SLC25A48: variants seen among roughly 807,000 people sequenced by gnomAD.
SLC25A48 encodes solute carrier family 25 member 48, also known as CTC-321K16.1.
SLC25A48 carries 29 observed loss-of-function variants against 32.2 expected under a neutral mutation model. That is an observed-to-expected ratio of 0.90 (90% confidence interval 0.67 to 1.23). The LOEUF (loss-of-function observed/expected upper bound fraction) is 1.23. Among genes scored for constraint, SLC25A48 ranks in the 50% most tolerant of loss-of-function variants. The probability of loss-of-function intolerance (pLI) is 0.00; values close to 1 mark genes in which losing one functional copy is unlikely to be tolerated. For missense variants in SLC25A48, 399 were observed against 422.7 expected (o/e 0.94, Z 0.49); for synonymous variants, 164 against 172.3 (o/e 0.95, Z 0.38).
At chr5:135,768,663 G>C (rs1189704168) in intron 3 of SLC25A48, among the ~76,000 whole-genome samples, 1 of 151,650 alleles carries the variant, frequency 6.6e-6, no homozygotes, top group Non-Finnish European at 1.5e-5. Context: ...TATCCAGGGG[G>C]AAATAGGATG....
intron 3 of SLC25A48, among the ~76,000 whole-genome samples, chr5:135,709,782 G>A (rs1754609750): frequency 6.6e-6 from 1 of 152,130 alleles, no homozygotes; most frequent in South Asian, 2.1e-4. Context: ...ATAAGATAAT[G>A]CCTTATGAGT....
chr5:135,834,968 C>T, intron 1 of SLC25A48, 75 bp downstream of exon 1: 1 of 1,518,864 alleles, frequency 6.6e-7, no homozygotes, highest in African/African-American at 1.4e-5. Context: ...TCTGAGGAAA[C>T]TTTGCCTCTG....
chr5:135,746,120 C>T (rs1207466087), intron 3 of SLC25A48: 1 of 152,768 alleles, frequency 6.5e-6, no homozygotes, highest in Non-Finnish European at 1.5e-5. Context: ...CTCTAGGCCC[C>T]ACTCCTCTCC....
At chr5:135,754,091 G>A (rs1282639967) in intron 3 of SLC25A48, among the ~76,000 whole-genome samples, 1 of 151,304 alleles carries the variant, frequency 6.6e-6, no homozygotes, top group Non-Finnish European at 1.5e-5. Flanking sequence ...CTGTGACAGT[G>A]GCAGTCATGT....
chr5:135,616,684 T>C (rs1580726267), intron 1 of SLC25A48, among the ~76,000 whole-genome samples: 1 of 152,222 alleles, frequency 6.6e-6, no homozygotes, highest in East Asian at 1.9e-4. Context: ...TTTGAATTAA[T>C]GCTGAAATGA....
chr5:135,712,208 G>A (rs1409140163), intron 3 of SLC25A48, among the ~76,000 whole-genome samples: 1 of 152,150 alleles, frequency 6.6e-6, no homozygotes, highest in Non-Finnish European at 1.5e-5. Context: ...ACTGCCAGAC[G>A]AGGTACATTC....
At chr5:135,852,397 C>T (rs56880651) in intron 3 of SLC25A48, among the ~76,000 whole-genome samples, 166 bp from the exon 4 acceptor site, 201 of 152,336 alleles carry the variant, frequency 1.3e-3, no homozygotes, top group African/African-American at 4.5e-3. Flanking sequence ...AGAATGCCTG[C>T]CCCTGAGTGG....
intron 6 of SLC25A48, 25 bp downstream of exon 6, chr5:135,874,179 G>A (rs1399214763): frequency 1.4e-5 from 20 of 1,417,732 alleles, no homozygotes; most frequent in Non-Finnish European, 1.8e-5. Context: ...GGCCTGCGGG[G>A]TCAGTGTCAG....
intron 3 of SLC25A48, among the ~76,000 whole-genome samples, chr5:135,712,919 A>G (rs1420625834): frequency 6.6e-6 from 1 of 152,218 alleles, no homozygotes; most frequent in Non-Finnish European, 1.5e-5. Flanking sequence ...GCCACCATTC[A>G]GGGAGGCTCT....
intron 3 of SLC25A48, among the ~76,000 whole-genome samples, chr5:135,771,067 G>A (rs567041105): frequency 7.9e-5 from 12 of 151,288 alleles, no homozygotes; most frequent in African/African-American, 2.9e-4. Flanking sequence ...TTTAGGGAGG[G>A]GAGAGAATGA....
intron 1 of SLC25A48, among the ~76,000 whole-genome samples, chr5:135,611,553 G>GA (rs1214444746): frequency 9.9e-5 from 7 of 70,888 alleles, no homozygotes; most frequent in African/African-American, 1.9e-4. Flanking sequence ...AGAAAAAAAA[G>GA]AAAAAAAAAT....
Position 135,888,191 on chromosome 5 carries a change from G to A in SLC25A48, c.*167G>A. 9.3e-7 allele frequency: 1 copy of A among 1,075,444 alleles called. No homozygotes were observed. 66.6% of individuals were successfully genotyped at this position (1,075,444 alleles called of 1,614,324 possible). A position where few individuals can be genotyped will look rare whatever the true frequency, so the allele number is the denominator to read the frequency against. On this transcript the variant is annotated 3_prime_UTR_variant, in exon 8 of 8. Transcript: ENST00000681962. The stretch of plus-strand genomic sequence containing the variant: ...ACTGACGTGGCCCTTCTGATGCCTG[G>A]GATGCCTCATGAGTCACTGATTCAA...
chr5:135,834,855 G>T lies in SLC25A48; in HGVS notation c.8G>T (p.Ser3Ile), dbSNP rs1417417028. The change falls in exon 1 of 8, where the codon AGC (serine) becomes ATC (isoleucine). Residue 3 changes from serine to isoleucine, a missense_variant. Transcript: ENST00000681962. ...CGAGACCGAGCGCCGGCCATGGGAA[G>T]CTTCCAGCTGGAAGACTTTGCGGCG... Reference protein sequence around the residue: MGSFQLEDFAAGW... With the variant: MGIFQLEDFAAGW... 1.9e-6 allele frequency: 3 copies of T among 1,601,708 alleles called. No individual in the cohort carries two copies. The highest frequency in any genetic ancestry group is 2.6e-6 in the Non-Finnish European group (3 of 1,174,858).
intron 1 of SLC25A48, among the ~76,000 whole-genome samples, chr5:135,588,691 T>G (rs1751432421): frequency 6.6e-6 from 1 of 151,510 alleles, no homozygotes; most frequent in African/African-American, 2.4e-5. Flanking sequence ...GAGGGGTGAG[T>G]GAAGGTGACC....
At chr5:135,758,623 TATC>T (rs1315395845) in intron 3 of SLC25A48, among the ~76,000 whole-genome samples, 5 of 150,728 alleles carry the variant, frequency 3.3e-5, no homozygotes, top group African/African-American at 4.8e-5. Flanking sequence ...ATTAATATGA[TATC>T]ATCTATGCTA....
chr5:135,716,769 T>C (rs1754809599), intron 3 of SLC25A48, among the ~76,000 whole-genome samples: 1 of 152,168 alleles, frequency 6.6e-6, no homozygotes, highest in Non-Finnish European at 1.5e-5. Context: ...AGGATTTGGG[T>C]TGTGGAAAGC....
In SLC25A48 at chr5:135,845,971, C is replaced by A. The variant is rs1053293856; in HGVS notation, c.90+3512C>A. Among the ~76,000 whole-genome samples, 4 of 152,260 alleles carry A rather than the reference C, an allele frequency of 2.6e-5. No individual in the cohort carries two copies. In the East Asian group the frequency reaches 7.8e-4, roughly 30 times the overall value. Reference sequence around the variant, plus strand: ...TTGGCTGCCTCTAGACCAGGGGTCCCCAACTCCTATACCGTACCAGTACCA... The same window carrying A: ...TTGGCTGCCTCTAGACCAGGGGTCCACAACTCCTATACCGTACCAGTACCA... On this transcript the variant is annotated intron_variant, in intron 2 of 7. Transcript: ENST00000681962.
At chr5:135,799,930 C>T (rs1295686353) in intron 3 of SLC25A48, among the ~76,000 whole-genome samples, 3 of 151,618 alleles carry the variant, frequency 2.0e-5, no homozygotes, top group Admixed American at 6.6e-5. Context: ...ACTGCCTCTG[C>T]GATATTGTTC....
intron 3 of SLC25A48, among the ~76,000 whole-genome samples, chr5:135,797,105 A>G (rs982948146): frequency 6.6e-6 from 1 of 151,718 alleles, no homozygotes; most frequent in Admixed American, 6.6e-5. Flanking sequence ...GAAGGATATT[A>G]CTTCCAAAAT....
Sources: gnomAD v4.1 joint callset for allele counts (sites outside exome capture counted in the v4.1 genomes callset) on GRCh38, gnomAD v4.1.1 for gene constraint, MANE v1.5 for transcripts, NCBI Gene and HGNC (gene_info 2026-07-23, HGNC 2026-07-21) for gene names.